Variants in OTULIN observed in about 807,000 individuals in gnomAD.
OTULIN encodes the protein OTU deubiquitinase with linear linkage specificity.
In OTULIN, 15 loss-of-function variants were observed where a neutral mutation model predicts 39.6. The observed-to-expected ratio is 0.38, with a 90% confidence interval of 0.25 to 0.58. OTULIN has a LOEUF of 0.58. OTULIN is among the 20% of genes least tolerant of loss of function. The pLI, the probability that OTULIN is intolerant of heterozygous loss-of-function variation, is 0.66. For missense variants in OTULIN, 319 were observed against 445.9 expected, an observed-to-expected ratio of 0.72 and a Z score of 2.56; for synonymous variants, 156 against 170.3, an observed-to-expected ratio of 0.92 and a Z score of 0.65.
rs372916976 is a variant in OTULIN at position 14,696,127 on chromosome 5, C to G, written c.*3079C>G. The stretch of plus-strand genomic sequence containing the variant: ...TTGGTCTTTGTTTTTGTTATTCATC[C>G]TGTGTCCTCCCTCTTCCCGATGTGC... On this transcript the variant is annotated 3_prime_UTR_variant, in exon 7 of 7. Transcript: ENST00000284274. The G allele has an allele frequency of 1.1e-4, 16 of 152,030 alleles. No homozygotes were observed. The highest frequency in any genetic ancestry group is 1.8e-4 in the Non-Finnish European group (12 of 68,004). 9.4% of individuals were successfully genotyped at this position (152,030 alleles called of 1,614,324 possible). A position where few individuals can be genotyped will look rare whatever the true frequency, so the allele number is the denominator to read the frequency against.
rs189702461 is a variant in OTULIN at position 14,672,214 on chromosome 5, G to A, written c.153-1428G>A. Reference sequence around the variant, plus strand: ...GGGCACATGATAATGTTGGTCAGGCGTTTGGACTGAAGTGTGAGTAATGCA... The same window carrying A: ...GGGCACATGATAATGTTGGTCAGGCATTTGGACTGAAGTGTGAGTAATGCA... On this transcript the variant is annotated intron_variant, in intron 1 of 6. Coordinates refer to ENST00000284274, the MANE Select transcript of OTULIN (RefSeq NM_138348.6). Among the ~76,000 whole-genome samples the A allele has an allele frequency of 8.5e-5, 13 of 152,296 alleles. No homozygotes were observed. The East Asian group carries it at 1.7e-3, about 20-fold the overall frequency.
chr5:14,703,512 C>T (rs58274734), downstream of OTULIN, among the ~76,000 whole-genome samples: 1,964 of 152,012 alleles, frequency 0.013, 51 homozygotes, highest in African/African-American at 0.045. Flanking sequence ...ACTCCACTGG[C>T]GGTGGGGGGT....
intron 3 of OTULIN, among the ~76,000 whole-genome samples, chr5:14,679,101 T>C (rs1736179996): frequency 6.6e-6 from 1 of 152,162 alleles, no homozygotes; most frequent in African/African-American, 2.4e-5. Context: ...TGTTATAAAA[T>C]AAAAGCCTCA....
At chr5:14,707,905 T>C in the OTULIN span, 1 of 152,134 alleles carries the variant, frequency 6.6e-6, no homozygotes, top group Non-Finnish European at 1.5e-5. Flanking sequence ...CAGGCAGTCA[T>C]GGGGGATGAC....
In OTULIN at chr5:14,695,856, A is replaced by G. The variant is rs993231870; in HGVS notation, c.*2808A>G. Reference sequence around the variant, plus strand: ...TTCCGTAGAATACAGAGTGGATGAAAATGTTTTCAATGCACAGAACAGGAT... The same window carrying G: ...TTCCGTAGAATACAGAGTGGATGAAGATGTTTTCAATGCACAGAACAGGAT... On this transcript the variant is annotated 3_prime_UTR_variant, in exon 7 of 7. Transcript: ENST00000284274. 6.6e-6 allele frequency: 1 copy of G among 152,214 alleles called. No homozygotes were observed. The highest frequency in any genetic ancestry group is 6.5e-5 in the Admixed American group (1 of 15,280). 9.4% of individuals were successfully genotyped at this position (152,214 alleles called of 1,614,324 possible). A position where few individuals can be genotyped will look rare whatever the true frequency, so the allele number is the denominator to read the frequency against.
chr5:14,715,065 G>A, the OTULIN span, among the ~76,000 whole-genome samples: 1 of 152,218 alleles, frequency 6.6e-6, no homozygotes, highest in African/African-American at 2.4e-5. Flanking sequence ...AGAAAGTGAC[G>A]CCGCAAGGCC....
chr5:14,678,139 G>A lies in OTULIN; in HGVS notation c.230-542G>A, dbSNP rs558372589. 3.9e-5 allele frequency among the ~76,000 whole-genome samples: 6 copies of A among 152,286 alleles called. No homozygotes were observed. In the South Asian group the frequency reaches 1.0e-3, roughly 26 times the overall value. On this transcript the variant is annotated intron_variant, in intron 2 of 6. Coordinates refer to ENST00000284274, the MANE Select transcript of OTULIN (RefSeq NM_138348.6). ...CCAAATGGTATAAGAGGAATAGAGA[G>A]CAAAAGTGTACGTGATACTATGATA...
At chr5:14,707,202 C>G in the OTULIN span, 1 of 151,772 alleles carries the variant, frequency 6.6e-6, no homozygotes, top group Non-Finnish European at 1.5e-5. Flanking sequence ...TTTTTAAATA[C>G]AAGAAAATAT....
At chr5:14,713,675 G>A in the OTULIN span, 1 of 1,613,718 alleles carries the variant, frequency 6.2e-7, no homozygotes, top group Non-Finnish European at 8.5e-7. This position sits in a 1 kb window ranked among gnomAD's most constrained non-coding sequence, Gnocchi z 4.4. Context: ...TGACTGTTGG[G>A]AGGAGCAAAG....
the OTULIN span, chr5:14,712,863 G>A: frequency 4.4e-5 from 71 of 1,598,340 alleles, no homozygotes; most frequent in African/African-American, 2.5e-4. Flanking sequence ...CTCCCGGCGC[G>A]GCTGTCTCAC....
At chr5:14,680,877 G>A (rs1736230841) in intron 3 of OTULIN, among the ~76,000 whole-genome samples, 1 of 152,174 alleles carries the variant, frequency 6.6e-6, no homozygotes, top group South Asian at 2.1e-4. Flanking sequence ...TGGCCAACAT[G>A]ATGAAATCCT....
the OTULIN span, among the ~76,000 whole-genome samples, chr5:14,716,473 C>T: frequency 8.4e-4 from 128 of 151,846 alleles, no homozygotes; most frequent in Admixed American, 5.6e-3. Flanking sequence ...GCCTGGGTGA[C>T]GGAATGAAAC....
intron 4 of OTULIN, among the ~76,000 whole-genome samples, chr5:14,683,685 A>G (rs1162718031): frequency 1.3e-5 from 2 of 152,208 alleles, no homozygotes; most frequent in East Asian, 3.8e-4. Context: ...GTGACATAAT[A>G]TCTTCCTCAA....
At chr5:14,707,399 T>A in the OTULIN span, 1 of 152,094 alleles carries the variant, frequency 6.6e-6, no homozygotes, top group Admixed American at 6.5e-5. Context: ...CTCCAGAAGA[T>A]CCCCAAATGG....
Position 14,664,932 on chromosome 5 carries a change from C to T in OTULIN, c.107C>T (p.Ala36Val). ...ACGGCGCGGGACGGCGGGAAGGCGG[C>T]GGCCAGCGGGCAGCCGCGGCCCGAG... ...AATARDGGKA[A>V]ASGQPRPEMQ... The change falls in exon 1 of 7, where the codon GCG (alanine) becomes GTG (valine). Residue 36 changes from alanine (A) to valine (V), a missense_variant. Around this residue, in one of 4 missense-constraint regions of OTULIN, gnomAD observed 132 missense variants for 143.7 expected, o/e 0.92. Transcript: ENST00000284274. 3 of 1,159,272 alleles carry T rather than the reference C, an allele frequency of 2.6e-6. No individual in the cohort carries two copies. The allele number at this position is 1,159,272 out of a possible 1,614,324, so 71.8% of individuals were successfully genotyped here.
Position 14,696,603 on chromosome 5 carries a change from A to G in OTULIN, c.*3555A>G, listed in dbSNP as rs1171306867. On this transcript the variant is annotated 3_prime_UTR_variant, in exon 7 of 7. Transcript: ENST00000284274. ...GTAAGAAGGAGGAACTAATTCTAGA[A>G]TAAATGTTAAAATGCCATTCAAGAA... 1 of 152,264 alleles carries G rather than the reference A, an allele frequency of 6.6e-6. No individual in the cohort carries two copies. The highest frequency in any genetic ancestry group is 2.4e-5 in the African/African-American group (1 of 41,474). The allele number at this position is 152,264 out of a possible 1,614,324, so 9.4% of individuals were successfully genotyped here.
At chr5:14,668,101 A>C (rs935651351) in intron 1 of OTULIN, among the ~76,000 whole-genome samples, 1 of 152,106 alleles carries the variant, frequency 6.6e-6, no homozygotes, top group Non-Finnish European at 1.5e-5. Flanking sequence ...AATTTTATGT[A>C]TGTTTCTGGG....
intron 6 of OTULIN, among the ~76,000 whole-genome samples, chr5:14,692,263 A>G (rs1371694180): frequency 6.6e-6 from 1 of 152,216 alleles, no homozygotes; most frequent in Non-Finnish European, 1.5e-5. Flanking sequence ...TGAAGTTCAT[A>G]TAATTTAAAA....
chr5:14,712,620 A>G, the OTULIN span, among the ~76,000 whole-genome samples: 5 of 152,188 alleles, frequency 3.3e-5, no homozygotes, highest in African/African-American at 1.2e-4. Context: ...TCTGAAATCC[A>G]TGTCCACACC....
Sources: gnomAD v4.1 joint callset for allele counts (sites outside exome capture counted in the v4.1 genomes callset) on GRCh38, gnomAD v4.1.1 for gene constraint, gnomAD v4.1.1 regional missense constraint, Gnocchi (gnomAD v3.1) non-coding constraint, MANE v1.5 for transcripts, NCBI Gene and HGNC (gene_info 2026-07-23, HGNC 2026-07-21) for gene names.